The following HIBADH variants were observed in gnomAD, a reference collection of about 807,000 sequenced individuals.
HIBADH encodes the protein 3-hydroxyisobutyrate dehydrogenase, also known as 3-hydroxyisobutyrate dehydrogenase, mitochondrial.
HIBADH carries 25 observed loss-of-function variants against 36.1 expected under a neutral mutation model. The observed-to-expected ratio is 0.69, with a 90% CI of 0.50 to 0.97. HIBADH has a LOEUF of 0.97. Among genes scored for constraint, HIBADH ranks in the 50% least tolerant of loss-of-function variants. The pLI is 0.00. For synonymous variants in HIBADH, 160 were observed against 149.5 expected (o/e 1.07, Z -0.51); for missense variants, 421 against 418.0 (o/e 1.01, Z -0.06).
Position 27,626,104 on chromosome 7 carries a change from G to GAAAAAAAA in HIBADH, c.484+3259_484+3266dup, listed in dbSNP as rs70994672. Among the ~76,000 whole-genome samples the GAAAAAAAA allele has an allele frequency of 1.3e-3, 91 of 72,358 alleles. 2 individuals carry two copies. Among genetic ancestry groups the GAAAAAAAA allele is most frequent in the Admixed American group, 2.1e-3 (10 of 4,802 alleles). The allele number at this position is 72,358 out of a possible 152,430, so 47.5% of individuals were successfully genotyped here. The stretch of plus-strand genomic sequence containing the variant: ...GGTGACACAGTGAGACTCCGTCTCA[G>GAAAAAAAA]AAAAAAAAAAAAAAAAAAAAAAGAT... On this transcript the variant is annotated intron_variant, in intron 4 of 7. Coordinates refer to ENST00000265395, the MANE Select transcript of HIBADH (RefSeq NM_152740.4).
chr7:27,600,322 G>A (rs565654279), intron 4 of HIBADH, among the ~76,000 whole-genome samples: 80 of 151,632 alleles, frequency 5.3e-4, no homozygotes, highest in African/African-American at 1.8e-3. Flanking sequence ...AAGGCATTTT[G>A]GTTTGAAAAG....
intron 4 of HIBADH, among the ~76,000 whole-genome samples, chr7:27,549,446 T>TA (rs937471634): frequency 6.6e-6 from 1 of 152,074 alleles, no homozygotes; most frequent in Non-Finnish European, 1.5e-5. Flanking sequence ...GTATTAAGAA[T>TA]AAAAAAAGAA....
At chr7:27,638,331 C>CAAAAAAAAAAAAAAAAAAAAAAAAA (rs1562654473) in intron 2 of HIBADH, among the ~76,000 whole-genome samples, 1 of 44,934 alleles carries the variant, frequency 2.2e-5, no homozygotes, top group African/African-American at 8.4e-5. Flanking sequence ...AAAAAAAAAA[C>CAAAAAAAAAAAAAAAAAAAAAAAAA]AAGCAATAAG....
chr7:27,649,452 A>C (rs781555192), intron 2 of HIBADH, 21 bp downstream of exon 2: 4 of 1,553,890 alleles, frequency 2.6e-6, no homozygotes, highest in Non-Finnish European at 3.5e-6. Context: ...ATCTAAAACA[A>C]ATCTAAAGAA....
Position 27,543,034 on chromosome 7 carries a change from G to C in HIBADH, c.551C>G (p.Ala184Gly). The C allele has an allele frequency of 6.2e-7, 1 of 1,613,818 alleles. No homozygotes were observed. Among genetic ancestry groups the C allele is most frequent in the Non-Finnish European group, 8.5e-7 (1 of 1,179,846 alleles). ...CATGCACCCCAGCAACTCTTGGGCA[G>C]CAGCAAATTCATCTTCAACTCCTCC... ...MVGGVEDEFA[A>G]AQELLGCMGS... Residue 184 changes from alanine to glycine, a missense_variant, in exon 5 of 8, where the codon GCT (alanine) becomes GGT (glycine). Coordinates refer to ENST00000265395, the MANE Select transcript of HIBADH (RefSeq NM_152740.4).
rs568716431 is a variant in HIBADH, at chr7:27,560,320, T to C, written c.485-17220A>G. 3.3e-5 allele frequency among the ~76,000 whole-genome samples: 5 copies of C among 152,350 alleles called. No individual in the cohort carries two copies. In the South Asian group the frequency reaches 1.0e-3, roughly 32 times the overall value. On this transcript the variant is annotated intron_variant, in intron 4 of 7. Coordinates refer to ENST00000265395, the MANE Select transcript of HIBADH (RefSeq NM_152740.4). ...TTTTAGTAGAGACGGGGTTTCGCCA[T>C]GTTGGCCAGGCTGGTCTTGAACTCC...
chr7:27,578,478 C>T (rs962506805), intron 4 of HIBADH, among the ~76,000 whole-genome samples: 1 of 151,986 alleles, frequency 6.6e-6, no homozygotes, highest in Non-Finnish European at 1.5e-5. Context: ...CCACACCTGG[C>T]TGATTTTTTT....
At chr7:27,636,646 T>C (rs1785846097) in intron 2 of HIBADH, among the ~76,000 whole-genome samples, 1 of 152,212 alleles carries the variant, frequency 6.6e-6, no homozygotes, top group African/African-American at 2.4e-5. Context: ...GAGAATCTAA[T>C]TAAGCCTAGT....
intron 4 of HIBADH, among the ~76,000 whole-genome samples, chr7:27,593,782 C>G (rs6948814): frequency 0.76 from 115,329 of 151,968 alleles, 44,209 homozygotes; most frequent in East Asian, 0.94. Context: ...AGAGAACCAA[C>G]TGAAAAACTA....
chr7:27,540,056 G>T (rs191671553), intron 5 of HIBADH, among the ~76,000 whole-genome samples: 1 of 152,046 alleles, frequency 6.6e-6, no homozygotes, highest in Non-Finnish European at 1.5e-5. Context: ...GAGGCAGAAG[G>T]GGCAGGCACA....
At chr7:27,660,721 C>T (rs1786400075) in intron 1 of HIBADH, among the ~76,000 whole-genome samples, 1 of 152,066 alleles carries the variant, frequency 6.6e-6, no homozygotes, top group African/African-American at 2.4e-5. Context: ...TTAACCACTT[C>T]ATCACAAAAG....
At chr7:27,626,531 G>A (rs1221603496) in intron 4 of HIBADH, among the ~76,000 whole-genome samples, 2 of 152,146 alleles carry the variant, frequency 1.3e-5, no homozygotes, top group Non-Finnish European at 2.9e-5. Context: ...AATGAAACCT[G>A]AGGAAAACTT....
chr7:27,533,498 TATC>T (rs1452064798), intron 6 of HIBADH, among the ~76,000 whole-genome samples: 1 of 152,074 alleles, frequency 6.6e-6, no homozygotes, highest in East Asian at 1.9e-4. Flanking sequence ...CAGCAAAGTG[TATC>T]ATTAAAAAGA....
chr7:27,529,894 G>A (rs1375145852), intron 7 of HIBADH, among the ~76,000 whole-genome samples: 3 of 152,104 alleles, frequency 2.0e-5, no homozygotes, highest in Admixed American at 6.5e-5. Flanking sequence ...TTCAGCAACC[G>A]CCACCCTGGT....
intron 2 of HIBADH, among the ~76,000 whole-genome samples, chr7:27,641,393 A>C (rs889628480): frequency 2.0e-5 from 3 of 152,180 alleles, no homozygotes; most frequent in African/African-American, 7.2e-5. Flanking sequence ...ATAGTAACAC[A>C]GAGGGAGGAA....
intron 2 of HIBADH, among the ~76,000 whole-genome samples, chr7:27,638,308 C>CAAAAAAAAAAAAAAAAAAAAAAAAAAAA (rs368715218): frequency 2.3e-4 from 13 of 55,462 alleles, no homozygotes; most frequent in African/African-American, 8.2e-4. Flanking sequence ...TTGGCAAAGT[C>CAAAAAAAAAAAAAAAAAAAAAAAAAAAA]AAAAAAAAAA....
At chr7:27,531,118 G>A in intron 7 of HIBADH, 74 bp downstream of exon 7, 1 of 1,402,872 alleles carries the variant, frequency 7.1e-7, no homozygotes, top group Non-Finnish European at 9.6e-7. Flanking sequence ...GCTTTATTAA[G>A]AGAAAGAGAA....
chr7:27,617,052 T>C (rs1562645516), intron 4 of HIBADH, among the ~76,000 whole-genome samples: 1 of 152,100 alleles, frequency 6.6e-6, no homozygotes, highest in African/African-American at 2.4e-5. Context: ...TACAGCAGTG[T>C]ACAGTAATGT....
At chr7:27,566,374 C>CAAA (rs374594799) in intron 4 of HIBADH, among the ~76,000 whole-genome samples, 3 of 147,078 alleles carry the variant, frequency 2.0e-5, no homozygotes, top group African/African-American at 5.0e-5. Context: ...TTGTGGCTCT[C>CAAA]AAAAAAAAAA....
Sources: allele counts gnomAD v4.1 joint callset (sites outside exome capture counted in the v4.1 genomes callset), GRCh38; gene constraint gnomAD v4.1.1; transcripts MANE v1.5; gene names NCBI Gene and HGNC (gene_info 2026-07-23, HGNC 2026-07-21).